The following SIRT2 variants were observed in gnomAD, a reference collection of about 807,000 sequenced individuals.
SIRT2 encodes NAD-dependent protein deacetylase sirtuin-2.
Under a neutral mutation model 57.4 loss-of-function variants are expected in SIRT2, and 40 were observed. The observed-to-expected ratio is 0.70, with a 90% CI of 0.54 to 0.91. The LOEUF is 0.91. Among genes scored for constraint, SIRT2 ranks in the 40% least tolerant of loss-of-function variants. The pLI is 0.00. For missense variants in SIRT2, 439 were observed against 510.4 expected, an observed-to-expected ratio of 0.86 and a Z score of 1.35; for synonymous variants, 161 against 195.7, an observed-to-expected ratio of 0.82 and a Z score of 1.48.
intron 2 of SIRT2, among the ~76,000 whole-genome samples, chr19:38,896,094 G>C (rs931692123): frequency 6.6e-6 from 1 of 152,040 alleles, no homozygotes; most frequent in African/African-American, 2.4e-5. Context: ...GAGAGAAAGA[G>C]AGAGTGAGAA....
At chr19:38,890,234 C>T in intron 4 of SIRT2, 90 bp from the exon 5 acceptor site, 1 of 1,333,690 alleles carries the variant, frequency 7.5e-7, no homozygotes, top group East Asian at 2.4e-5. Context: ...ATCGTTTACT[C>T]CATGCCAGGC....
At chr19:38,883,593 G>A (rs1355920617) in intron 9 of SIRT2, 34 bp downstream of exon 9, 3 of 1,604,940 alleles carry the variant, frequency 1.9e-6, no homozygotes, top group East Asian at 2.2e-5. Flanking sequence ...GGTGCTGAGA[G>A]GAGGCCTGCC....
intron 2 of SIRT2, 134 bp from the exon 3 acceptor site, chr19:38,894,001 G>A (rs1973636199): frequency 6.6e-7 from 1 of 1,514,348 alleles, no homozygotes; most frequent in Admixed American, 2.2e-5. Flanking sequence ...TGGAGAGACT[G>A]CACTGGGGCT....
intron 2 of SIRT2, among the ~76,000 whole-genome samples, chr19:38,895,255 C>T (rs1973682280): frequency 6.6e-6 from 1 of 152,194 alleles, no homozygotes; most frequent in African/African-American, 2.4e-5. Flanking sequence ...CTCCCATCCA[C>T]CCTGCTGCCC....
rs768531597 is a variant in SIRT2, at chr19:38,879,459, G to T, written c.989C>A (p.Ala330Asp). 3 of 1,601,090 alleles carry T rather than the reference G, an allele frequency of 1.9e-6. No homozygotes were observed. The highest frequency in any genetic ancestry group is 2.2e-5 in the South Asian group (2 of 88,962). The change falls in exon 15 of 16, where the codon GCC becomes GAC. Residue 330 changes from alanine to aspartate, a missense_variant. Coordinates refer to ENST00000249396, the MANE Select transcript of SIRT2 (RefSeq NM_012237.4). ...WLGECDQGCL[A>D]LAELLGWKKE... Reference sequence around the variant, plus strand: ...CTTCCATCCAAGGAGCTCAGCAAGGGCCAGGCAGCCCTGGTCGCATTCACC... The same window carrying T: ...CTTCCATCCAAGGAGCTCAGCAAGGTCCAGGCAGCCCTGGTCGCATTCACC...
chr19:38,895,744 C>T (rs982052371), intron 2 of SIRT2, among the ~76,000 whole-genome samples: 1 of 152,058 alleles, frequency 6.6e-6, no homozygotes, highest in African/African-American at 2.4e-5. Flanking sequence ...CAAGACCAGC[C>T]TGGGCAACAC....
In SIRT2 at chr19:38,889,919, T is replaced by C. The variant is rs748298105; in HGVS notation, c.311A>G (p.Tyr104Cys). Reference protein sequence around the residue: ...PDFRSPSTGLYDNLEKYHLPY... With the variant: ...PDFRSPSTGLCDNLEKYHLPY... ...AAGATGGTACTTCTCTAGGTTGTCA[T>C]AGAGGCCGGTGGATGGAGAGCGAAA... Residue 104 changes from tyrosine (Y) to cysteine (C), a missense_variant, in exon 6 of 16, where the codon TAT becomes TGT. Coordinates refer to ENST00000249396, the MANE Select transcript of SIRT2 (RefSeq NM_012237.4). 4 of 1,614,074 alleles carry C rather than the reference T, an allele frequency of 2.5e-6. No homozygotes were observed. The highest frequency in any genetic ancestry group is 1.1e-5 in the South Asian group (1 of 91,082).
At chr19:38,884,680 C>T (rs536365293) in intron 8 of SIRT2, among the ~76,000 whole-genome samples, 1 of 152,186 alleles carries the variant, frequency 6.6e-6, no homozygotes, top group South Asian at 2.1e-4. Context: ...AACTCTGGAC[C>T]TCGTGATTTG....
chr19:38,881,164 G>A lies in SIRT2; in HGVS notation c.692-9C>T. 1 of 1,611,900 alleles carries A rather than the reference G, an allele frequency of 6.2e-7. No homozygotes were observed. The highest frequency in any genetic ancestry group is 2.2e-5 in the East Asian group (1 of 44,854). ...ACCAAAAAAGACGATATCTGAGGTG[G>A]AGACAGATGGACGGACAGAGACAGT... On this transcript the variant is annotated splice_polypyrimidine_tract_variant and intron_variant, in intron 10 of 15. Coordinates refer to ENST00000249396, the MANE Select transcript of SIRT2 (RefSeq NM_012237.4).
At chr19:38,889,204 A>G (rs1336425869) in intron 7 of SIRT2, 49 bp from the exon 8 acceptor site, 3 of 1,538,240 alleles carry the variant, frequency 2.0e-6, no homozygotes, top group Non-Finnish European at 2.7e-6. Flanking sequence ...GAACAGCCAC[A>G]GGCCACTGCC....
At position 38,880,939 on chromosome 19, in the gene SIRT2, G is replaced by A. The variant is rs761852958; in HGVS notation, c.748-42C>T. The A allele has an allele frequency of 3.8e-6, 6 of 1,590,572 alleles. No individual in the cohort carries two copies. Among genetic ancestry groups the A allele is most frequent in the Admixed American group, 1.7e-5 (1 of 59,860 alleles). On this transcript the variant is annotated intron_variant, in intron 11 of 15. Transcript: ENST00000249396. The surrounding 1 kb of genome is among the most constrained non-coding windows in gnomAD (Gnocchi z 4.1). ...GAGCTTGGGAGCCTCCGCCCAGGCT[G>A]CGCCACCGCTCCCTCCCCCGCCCCC...
intron 2 of SIRT2, 137 bp from the exon 3 acceptor site, chr19:38,894,004 C>A (rs1280969634): frequency 2.0e-6 from 3 of 1,505,546 alleles, no homozygotes; most frequent in East Asian, 2.4e-5. Context: ...AGAGACTGCA[C>A]TGGGGCTAGC....
At chr19:38,884,549 A>G (rs991052451) in intron 8 of SIRT2, among the ~76,000 whole-genome samples, 5 of 152,110 alleles carry the variant, frequency 3.3e-5, no homozygotes, top group Non-Finnish European at 7.4e-5. Flanking sequence ...CCCAGGTTCA[A>G]GAGATTTTCC....
rs1264779561 is a variant in SIRT2, at chr19:38,879,647, G to A, written c.932C>T (p.Ser311Phe). Residue 311 changes from serine to phenylalanine, a missense_variant, in exon 14 of 16, where the codon TCC becomes TTC. Coordinates refer to ENST00000249396, the MANE Select transcript of SIRT2 (RefSeq NM_012237.4). ...MGLGGGMDFD[S>F]KKAYRDVAWL... ...GGGGCCTCACCTGTAGGCCTTCTTG[G>A]AGTCAAAGTCCATGCCTCCTCCGAG... is the stretch of plus-strand genomic sequence containing the variant. 15 of 1,574,086 alleles carry A rather than the reference G, an allele frequency of 9.5e-6. No individual in the cohort carries two copies. The highest frequency in any genetic ancestry group is 1.4e-5 in the African/African-American group (1 of 73,878).
At chr19:38,886,015 C>T (rs559060756) in intron 8 of SIRT2, among the ~76,000 whole-genome samples, 1 of 152,284 alleles carries the variant, frequency 6.6e-6, no homozygotes, top group Non-Finnish European at 1.5e-5. Context: ...CTGTTGTTTG[C>T]CTGTGAGGAA....
chr19:38,894,063 G>A (rs990907818), intron 2 of SIRT2, 196 bp from the exon 3 acceptor site: 10 of 1,140,224 alleles, frequency 8.8e-6, no homozygotes, highest in Admixed American at 5.9e-5. Context: ...GGCCATGCCC[G>A]TCCCCAGGAG....
rs537164235 is a variant in SIRT2, at chr19:38,879,433, C to T, written c.1014+1G>A. 15 of 1,592,516 alleles carry T rather than the reference C, an allele frequency of 9.4e-6. No homozygotes were observed. The highest frequency in any genetic ancestry group is 4.0e-5 in the African/African-American group (3 of 74,482). On this transcript the variant is annotated splice_donor_variant, in intron 15 of 15. Transcript: ENST00000249396. LOFTEE classifies it high-confidence loss of function. ...CAGGCTGGGGTTGCTCAGCTCCTCACCTTCCATCCAAGGAGCTCAGCAAGG... is the reference window on the plus strand; with the variant it reads ...CAGGCTGGGGTTGCTCAGCTCCTCATCTTCCATCCAAGGAGCTCAGCAAGG...
Position 38,881,465 on chromosome 19 carries a change from T to C in SIRT2, c.658A>G (p.Lys220Glu). The C allele has an allele frequency of 6.2e-7, 1 of 1,613,910 alleles. No homozygotes were observed. Among genetic ancestry groups the C allele is most frequent in the Non-Finnish European group, 8.5e-7 (1 of 1,179,956 alleles). The change falls in exon 10 of 16, where the codon AAG (lysine) becomes GAG (glutamate). Residue 220 changes from lysine (K) to glutamate (E), a missense_variant. Physicochemically the swap from Lys to Glu is moderately conservative, Grantham distance 56. Transcript: ENST00000249396. ...KEKIFSEVTP[K>E]CEDCQSLVKP... The stretch of plus-strand genomic sequence containing the variant: ...ACCAGGCTCTGACAGTCTTCACACT[T>C]GGGCGTCACCTCAGAGAAGATCTTC...
chr19:38,884,435 GGTTTGTTT>G (rs35505058), intron 8 of SIRT2, among the ~76,000 whole-genome samples: 10 of 151,636 alleles, frequency 6.6e-5, no homozygotes, highest in Non-Finnish European at 7.4e-5. Flanking sequence ...TACTAGGTGT[GGTTTGTTT>G]GTTTGTTTGT....
Sources: gnomAD v4.1 joint callset for allele counts (sites outside exome capture counted in the v4.1 genomes callset) on GRCh38, gnomAD v4.1.1 for gene constraint, Gnocchi (gnomAD v3.1) non-coding constraint, MANE v1.5 for transcripts, NCBI Gene and HGNC (gene_info 2026-07-23, HGNC 2026-07-21) for gene names.